DLGAP1: variants seen among roughly 807,000 people sequenced by gnomAD.
DLGAP1 encodes the protein disks large-associated protein 1.
A neutral mutation model predicts 90.8 loss-of-function variants in DLGAP1; 11 were observed. The observed-to-expected ratio is 0.12, with a 90% CI of 0.08 to 0.20. The LOEUF is 0.20. Among genes scored for constraint, DLGAP1 ranks in the 10% least tolerant of loss-of-function variants. The pLI, the probability that DLGAP1 is intolerant of heterozygous loss-of-function variation, is 1.00. For missense variants in DLGAP1, 1,050 were observed against 1,333.8 expected (o/e 0.79, Z 3.31); for synonymous variants, 558 against 540.7 (o/e 1.03, Z -0.44).
intron 7 of DLGAP1, among the ~76,000 whole-genome samples, chr18:3,728,762 C>CT (rs2062292366): frequency 6.6e-6 from 1 of 152,134 alleles, no homozygotes; most frequent in Non-Finnish European, 1.5e-5. Context: ...AGCAGGGTGT[C>CT]TGGTCATTTA....
intron 2 of DLGAP1, among the ~76,000 whole-genome samples, chr18:4,085,071 T>G (rs2075662990): frequency 6.6e-6 from 1 of 152,166 alleles, no homozygotes; most frequent in African/African-American, 2.4e-5. Flanking sequence ...AATGGATTAT[T>G]CTATATTATT....
At chr18:3,811,716 G>T (rs2066853360) in intron 5 of DLGAP1, among the ~76,000 whole-genome samples, 2 of 152,150 alleles carry the variant, frequency 1.3e-5, no homozygotes, top group Non-Finnish European at 2.9e-5. Context: ...GAAATATATG[G>T]TGGTCACAAA....
At chr18:3,855,810 A>G (rs1378632324) in intron 4 of DLGAP1, among the ~76,000 whole-genome samples, 1 of 152,108 alleles carries the variant, frequency 6.6e-6, no homozygotes, top group African/African-American at 2.4e-5. Flanking sequence ...GACGGGGTTC[A>G]CTATGTTGGC....
intron 4 of DLGAP1, among the ~76,000 whole-genome samples, chr18:3,853,514 G>C (rs895592351): frequency 1.1e-4 from 17 of 151,532 alleles, no homozygotes; most frequent in Non-Finnish European, 2.2e-4. Context: ...CTGTGATCTA[G>C]GAGCAATAGG....
chr18:4,068,454 A>G (rs2075401639), intron 2 of DLGAP1, among the ~76,000 whole-genome samples: 1 of 151,886 alleles, frequency 6.6e-6, no homozygotes, highest in Non-Finnish European at 1.5e-5. Context: ...TTACATTTGG[A>G]AACCATAACT....
Position 4,291,591 on chromosome 18 carries a change from C to T in DLGAP1, c.-266-140304G>A, listed in dbSNP as rs138344055. 3.9e-5 allele frequency among the ~76,000 whole-genome samples: 6 copies of T among 152,146 alleles called. No homozygotes were observed. In the South Asian group the frequency reaches 1.0e-3, roughly 26 times the overall value. ...ACACATTTGGATTATTTTATACATA[C>T]ACACATATATTTTTAATATCATCAG... On this transcript the variant is annotated intron_variant, in intron 1 of 12. Transcript: ENST00000315677.
chr18:3,939,756 A>T (rs1220294136), intron 3 of DLGAP1, among the ~76,000 whole-genome samples: 1 of 152,204 alleles, frequency 6.6e-6, no homozygotes, highest in Non-Finnish European at 1.5e-5. Context: ...ATAATAAAAA[A>T]TATGGTGGTA....
intron 7 of DLGAP1, among the ~76,000 whole-genome samples, chr18:3,621,890 CA>C (rs2146038439): frequency 6.6e-6 from 1 of 152,228 alleles, no homozygotes; most frequent in South Asian, 2.1e-4. Context: ...TGCTTGAGCT[CA>C]GGAGGTTGAG....
intron 4 of DLGAP1, among the ~76,000 whole-genome samples, chr18:3,841,496 T>G (rs1422807930): frequency 6.6e-6 from 1 of 152,174 alleles, no homozygotes; most frequent in Non-Finnish European, 1.5e-5. Context: ...CTTATACATT[T>G]TTAAGAATAA....
intron 7 of DLGAP1, among the ~76,000 whole-genome samples, chr18:3,706,588 C>T (rs7236618): frequency 0.04 from 6,072 of 152,180 alleles, 434 homozygotes; most frequent in African/African-American, 0.14. Flanking sequence ...GGTATGAAAA[C>T]GTAATGTTAG....
intron 1 of DLGAP1, among the ~76,000 whole-genome samples, chr18:4,385,390 CT>C (rs1164196472): frequency 6.6e-6 from 1 of 152,166 alleles, no homozygotes; most frequent in Admixed American, 6.5e-5. Context: ...CTCAGACCCC[CT>C]GAAATCTGGG....
At chr18:3,514,971 G>A (rs1045951483) in intron 10 of DLGAP1, among the ~76,000 whole-genome samples, 1 of 151,994 alleles carries the variant, frequency 6.6e-6, no homozygotes, top group Non-Finnish European at 1.5e-5. Flanking sequence ...TCAAGCTTCT[G>A]GCCTCAAGCG....
chr18:3,551,730 T>TCCTTCCTCCCTC (rs1568180605), intron 9 of DLGAP1, among the ~76,000 whole-genome samples: 1 of 19,060 alleles, frequency 5.2e-5, no homozygotes, highest in African/African-American at 3.5e-4. Flanking sequence ...CTCCCTTCCT[T>TCCTTCCTCCCTC]CCTTCCTTCC....
intron 7 of DLGAP1, among the ~76,000 whole-genome samples, chr18:3,694,447 T>C (rs1330057362): frequency 3.2e-5 from 4 of 126,754 alleles, no homozygotes; most frequent in Admixed American, 3.1e-4. Flanking sequence ...TTCTAGATCC[T>C]TGAGGATCTA....
chr18:3,960,374 G>C (rs1281087849), intron 3 of DLGAP1, among the ~76,000 whole-genome samples: 2 of 152,024 alleles, frequency 1.3e-5, no homozygotes, highest in African/African-American at 4.8e-5. Context: ...ACACTTTATA[G>C]AGTGCCTCTC....
chr18:4,399,681 T>A (rs1479469918), intron 1 of DLGAP1, among the ~76,000 whole-genome samples: 1 of 152,220 alleles, frequency 6.6e-6, no homozygotes, highest in African/African-American at 2.4e-5. Flanking sequence ...TGAAGCCTAC[T>A]ACTTTTCAAT....
intron 1 of DLGAP1, among the ~76,000 whole-genome samples, chr18:4,298,471 T>C (rs2080038530): frequency 6.6e-6 from 1 of 152,164 alleles, no homozygotes; most frequent in Non-Finnish European, 1.5e-5. Flanking sequence ...ATGTCCTTTG[T>C]AGGGACATGG....
intron 1 of DLGAP1, among the ~76,000 whole-genome samples, chr18:4,208,212 T>C (rs1915590): frequency 0.15 from 22,879 of 152,174 alleles, 4,725 homozygotes; most frequent in African/African-American, 0.47. Context: ...TAGGAGCAGG[T>C]TGTGTTTTGG....
chr18:3,985,849 T>C (rs911109664), intron 3 of DLGAP1, among the ~76,000 whole-genome samples: 7 of 152,208 alleles, frequency 4.6e-5, no homozygotes, highest in Non-Finnish European at 1.0e-4. Context: ...TACACTTAAA[T>C]GAATTTTCTC....
Sources: gnomAD v4.1 joint callset for allele counts (sites outside exome capture counted in the v4.1 genomes callset) on GRCh38, gnomAD v4.1.1 for gene constraint, MANE v1.5 for transcripts, NCBI Gene and HGNC (gene_info 2026-07-23, HGNC 2026-07-21) for gene names.